PALLD: variants seen among roughly 807,000 people sequenced by gnomAD.
The protein encoded by PALLD is palladin, cytoskeletal associated protein, also known as palladin.
Under a neutral mutation model 123.5 loss-of-function variants are expected in PALLD, and 61 were observed. The ratio of observed to expected loss-of-function variants is 0.49; its 90% CI spans 0.40 to 0.61. PALLD has a LOEUF of 0.61. Among genes scored for constraint, PALLD ranks in the 20% least tolerant of loss-of-function variants. The pLI is 0.00. For missense variants in PALLD, 1,273 were observed against 1,377.0 expected (o/e 0.92, Z 1.20); for synonymous variants, 465 against 496.4 (o/e 0.94, Z 0.84).
chr4:168,585,471 C>T (rs1169665419), intron 2 of PALLD, among the ~76,000 whole-genome samples: 1 of 152,184 alleles, frequency 6.6e-6, no homozygotes, highest in East Asian at 1.9e-4. Context: ...TCTCCTCCCA[C>T]CTCTCTCTAC....
At chr4:168,559,051 A>G (rs1767602991) in intron 2 of PALLD, among the ~76,000 whole-genome samples, 1 of 152,232 alleles carries the variant, frequency 6.6e-6, no homozygotes, top group African/African-American at 2.4e-5. Context: ...TTTAGTTCCA[A>G]CATGAAATCT....
rs112609804 is a variant in PALLD at position 168,803,303 on chromosome 4, A to C, written c.1965-87619A>C. Among the ~76,000 whole-genome samples the C allele has an allele frequency of 4.9e-3, 744 of 152,224 alleles. 6 individuals are homozygous for C. Among genetic ancestry groups the C allele is most frequent in the African/African-American group, 0.017 (710 of 41,530 alleles). ...TTGGAGAGAGAGAGAGCAAAGGGGG[A>C]AGTGCCACACACTCTTAAACAACCA... On this transcript the variant is annotated intron_variant, in intron 10 of 21. Coordinates refer to ENST00000505667, the MANE Select transcript of PALLD (RefSeq NM_001166108.2).
intron 10 of PALLD, among the ~76,000 whole-genome samples, chr4:168,772,840 AAAAAG>A (rs757231722): frequency 6.6e-6 from 1 of 152,212 alleles, no homozygotes; most frequent in Non-Finnish European, 1.5e-5. Flanking sequence ...GAAAGGAAGA[AAAAAG>A]AAAGGGAAGG....
intron 10 of PALLD, among the ~76,000 whole-genome samples, chr4:168,771,190 A>G (rs902077112): frequency 2.0e-5 from 3 of 152,174 alleles, no homozygotes; most frequent in Non-Finnish European, 4.4e-5. Flanking sequence ...CATGATTATC[A>G]TATCCCTTTG....
At chr4:168,632,989 C>T (rs1271724167) in intron 2 of PALLD, among the ~76,000 whole-genome samples, 1 of 152,172 alleles carries the variant, frequency 6.6e-6, no homozygotes, top group Admixed American at 6.5e-5. Flanking sequence ...GAGAAGGGGG[C>T]TGTCCTCCAA....
chr4:168,532,881 T>A (rs10014173), intron 2 of PALLD, among the ~76,000 whole-genome samples: 5 of 151,900 alleles, frequency 3.3e-5, no homozygotes, highest in African/African-American at 7.3e-5. Flanking sequence ...AACCTTCTGA[T>A]TGATTGAAAG....
intron 3 of PALLD, among the ~76,000 whole-genome samples, chr4:168,670,281 CATATT>C (rs1484590553): frequency 6.6e-6 from 1 of 152,110 alleles, no homozygotes; most frequent in Admixed American, 6.5e-5. Flanking sequence ...TAAATGAAAT[CATATT>C]AGATTTAAGT....
intron 2 of PALLD, among the ~76,000 whole-genome samples, chr4:168,597,074 A>G (rs1164188317): frequency 6.6e-6 from 1 of 152,184 alleles, no homozygotes; most frequent in Non-Finnish European, 1.5e-5. Context: ...ATTGACAGAC[A>G]GAGAGATAAT....
chr4:168,753,784 T>C (rs1731388578), intron 10 of PALLD, among the ~76,000 whole-genome samples: 1 of 152,178 alleles, frequency 6.6e-6, no homozygotes, highest in Admixed American at 6.5e-5. Flanking sequence ...CAATGGATCC[T>C]TCAGCCATAG....
At chr4:168,639,853 A>G (rs1776765547) in intron 2 of PALLD, among the ~76,000 whole-genome samples, 1 of 151,982 alleles carries the variant, frequency 6.6e-6, no homozygotes, top group Non-Finnish European at 1.5e-5. Flanking sequence ...CTGCCACTCA[A>G]CTTTAATTTG....
At chr4:168,567,850 G>A (rs1334564674) in intron 2 of PALLD, among the ~76,000 whole-genome samples, 2 of 151,750 alleles carry the variant, frequency 1.3e-5, no homozygotes, top group Admixed American at 1.3e-4. Context: ...TACAATGTAC[G>A]CTATTTGGGT....
At chr4:168,590,219 A>AT (rs1220673058) in intron 2 of PALLD, among the ~76,000 whole-genome samples, 1 of 152,172 alleles carries the variant, frequency 6.6e-6, no homozygotes, top group African/African-American at 2.4e-5. Context: ...GCAGTCGCCT[A>AT]TAATCCCAGC....
intron 2 of PALLD, among the ~76,000 whole-genome samples, chr4:168,568,827 A>G (rs532799907): frequency 1.5e-4 from 23 of 151,344 alleles, no homozygotes; most frequent in African/African-American, 4.3e-4. Flanking sequence ...TTATATATCT[A>G]TAAAATAGTA....
chr4:168,747,416 G>A (rs940557291), intron 10 of PALLD, among the ~76,000 whole-genome samples: 1 of 152,192 alleles, frequency 6.6e-6, no homozygotes, highest in South Asian at 2.1e-4. Context: ...AAGGCAAACA[G>A]GATATGTAGC....
rs1458154210 is a variant in PALLD at position 168,799,735 on chromosome 4, G to T, written c.1964+87812G>T. 2.0e-5 allele frequency among the ~76,000 whole-genome samples: 3 copies of T among 152,204 alleles called. 1 individual carries two copies. The East Asian group carries it at 5.8e-4, about 29-fold the overall frequency. ...AAAGAGCATATGTGAATAAATTTTGGTGTATCTGATGCTACTTTCCTGTTA... is the reference window on the plus strand; with the variant it reads ...AAAGAGCATATGTGAATAAATTTTGTTGTATCTGATGCTACTTTCCTGTTA... On this transcript the variant is annotated intron_variant, in intron 10 of 21. Transcript: ENST00000505667.
intron 2 of PALLD, among the ~76,000 whole-genome samples, chr4:168,556,233 C>T (rs1767286169): frequency 6.6e-6 from 1 of 151,964 alleles, no homozygotes; most frequent in Non-Finnish European, 1.5e-5. Flanking sequence ...GTAGCTGGGA[C>T]TACAGGTGCC....
chr4:168,882,585 C>T lies in PALLD; in HGVS notation c.1965-8337C>T, dbSNP rs944401004. Among the ~76,000 whole-genome samples the T allele has an allele frequency of 6.6e-5, 10 of 152,220 alleles. No individual in the cohort carries two copies. The Middle Eastern group carries it at 0.014, about 207-fold the overall frequency. On this transcript the variant is annotated intron_variant, in intron 10 of 21. Transcript: ENST00000505667. Reference sequence around the variant, plus strand: ...GCAGACATCTCATCTACCTATCTTTCTCCTATTTTTCAGGAAACAGATAGT... The same window carrying T: ...GCAGACATCTCATCTACCTATCTTTTTCCTATTTTTCAGGAAACAGATAGT...
intron 15 of PALLD, among the ~76,000 whole-genome samples, chr4:168,909,795 C>T (rs896443982): frequency 1.3e-5 from 2 of 152,130 alleles, no homozygotes; most frequent in East Asian, 3.8e-4. Flanking sequence ...TATGTTCAGA[C>T]TTAAAAACCT....
At chr4:168,889,166 G>GTGTGTGTGTGTGTGTGT (rs567772815) in intron 10 of PALLD, among the ~76,000 whole-genome samples, 2 of 137,976 alleles carry the variant, frequency 1.4e-5, no homozygotes, top group Admixed American at 7.1e-5. Context: ...GTGTGTGTGT[G>GTGTGTGTGTGTGTGTGT]GTTTTTTTTT....
Sources: allele counts gnomAD v4.1 joint callset (sites outside exome capture counted in the v4.1 genomes callset), GRCh38; gene constraint gnomAD v4.1.1; transcripts MANE v1.5; gene names NCBI Gene and HGNC (gene_info 2026-07-23, HGNC 2026-07-21).